Variants in RPN2 observed in about 807,000 individuals in gnomAD.
RPN2 encodes ribophorin II.
In RPN2, 29 loss-of-function variants were observed where a neutral mutation model predicts 71.4. That is an observed-to-expected ratio of 0.41 (90% CI 0.30 to 0.55). The LOEUF (loss-of-function observed/expected upper bound fraction) is 0.55, where lower values mean the gene tolerates loss of function less well. Among genes scored for constraint, RPN2 ranks in the 20% least tolerant of loss-of-function variants. The pLI, the probability that RPN2 is intolerant of heterozygous loss-of-function variation, is 0.35. For synonymous variants in RPN2, 308 were observed against 305.0 expected, an observed-to-expected ratio of 1.01 and a Z score of -0.10; for missense variants, 726 against 774.1, an observed-to-expected ratio of 0.94 and a Z score of 0.74.
At chr20:37,181,804 T>G (rs935019704) in intron 1 of RPN2, among the ~76,000 whole-genome samples, 2 of 152,226 alleles carry the variant, frequency 1.3e-5, no homozygotes, top group Non-Finnish European at 2.9e-5. Flanking sequence ...AATATGTTTA[T>G]TTCTTAGTCC....
At position 37,199,064 on chromosome 20, in the gene RPN2, T is replaced by C; in HGVS notation, c.318T>C (p.Asn106=). The change falls in exon 4 of 17, where the codon AAT becomes AAC. Residue 106 remains asparagine, a synonymous_variant. Coordinates refer to ENST00000237530, the MANE Select transcript of RPN2 (RefSeq NM_002951.5). ...ALSGCEISIS[N]ETKDLLLAAV... The stretch of plus-strand genomic sequence containing the variant: ...TTCTTTCTTAGATCTCTATTTCAAA[T>C]GAGACCAAAGATCTGCTTCTGGCAG... The C allele has an allele frequency of 6.2e-7, 1 of 1,612,786 alleles. No homozygotes were observed. Among genetic ancestry groups the C allele is most frequent in the Non-Finnish European group, 8.5e-7 (1 of 1,178,736 alleles).
chr20:37,213,927 A>C, intron 9 of RPN2, 62 bp downstream of exon 9: 1 of 1,195,548 alleles, frequency 8.4e-7, no homozygotes, highest in Non-Finnish European at 1.3e-6. Flanking sequence ...GGCCAAATTG[A>C]CACAGTATTA....
At chr20:37,206,813 A>G (rs1245625584) in intron 6 of RPN2, among the ~76,000 whole-genome samples, 2 of 151,922 alleles carry the variant, frequency 1.3e-5, no homozygotes, top group Non-Finnish European at 2.9e-5. Context: ...GGTTCAAGCA[A>G]TTCTCGTGCC....
Position 37,207,449 on chromosome 20 carries a change from G to A in RPN2, c.867G>A (p.Arg289=), listed in dbSNP as rs755866749. ...ACACTCATGAACAGGCTATCTTGCG[G>A]GTAAGACATCCATGCCCAAAGTGTG... ...ASDTHEQAIL[R]LQVTNVLSQP... is the part of the protein sequence containing the mutation. Residue 289 remains arginine (R), a splice_region_variant and synonymous_variant, in exon 7 of 17, where the codon CGG becomes CGA. Transcript: ENST00000237530. The A allele has an allele frequency of 3.7e-6, 6 of 1,614,032 alleles. No individual in the cohort carries two copies. The highest frequency in any genetic ancestry group is 2.2e-5 in the South Asian group (2 of 91,082).
intron 2 of RPN2, among the ~76,000 whole-genome samples, chr20:37,197,941 C>T (rs2067289894): frequency 6.6e-6 from 1 of 152,182 alleles, no homozygotes; most frequent in Non-Finnish European, 1.5e-5. Context: ...TTGGTGACAT[C>T]TAAGTGGAGA....
chr20:37,228,438 C>A, intron 11 of RPN2, 112 bp from the exon 12 acceptor site: 2 of 1,021,672 alleles, frequency 2.0e-6, no homozygotes, highest in Non-Finnish European at 3.0e-6. Flanking sequence ...GATCCCAGAG[C>A]TCTCACTGTG....
intron 10 of RPN2, among the ~76,000 whole-genome samples, chr20:37,224,849 C>T (rs1209859391): frequency 6.6e-6 from 1 of 152,176 alleles, no homozygotes; most frequent in Non-Finnish European, 1.5e-5. Flanking sequence ...TTTTAAATCA[C>T]ATAGAGTTGG....
rs1342296113 is a variant in RPN2 at position 37,228,689 on chromosome 20, C to T, written c.1439C>T (p.Thr480Ile). 6.2e-7 allele frequency: 1 copy of T among 1,614,108 alleles called. No individual in the cohort carries two copies. Among genetic ancestry groups the T allele is most frequent in the Non-Finnish European group, 8.5e-7 (1 of 1,180,030 alleles). ...TTTGACTCTGCCTCTGGCACCTACA[C>T]TCTCTACTTAATCATTGGAGATGCC... ...IEFDSASGTY[T>I]LYLIIGDATL... Residue 480 changes from threonine to isoleucine, a missense_variant, in exon 12 of 17, where the codon ACT becomes ATT. Transcript: ENST00000237530.
Position 37,241,412 on chromosome 20 carries a change from T to C in RPN2, c.*97T>C. On this transcript the variant is annotated 3_prime_UTR_variant, in exon 17 of 17. Coordinates refer to ENST00000237530, the MANE Select transcript of RPN2 (RefSeq NM_002951.5). ...GAAGAAAAATGGAAAAAAAAAACTT[T>C]ATTTAAAAAAGAAAAAAGTCCAGAT... The C allele has an allele frequency of 2.8e-6, 4 of 1,443,286 alleles. No homozygotes were observed. Among genetic ancestry groups the C allele is most frequent in the Middle Eastern group, 4.7e-4 (2 of 4,252 alleles). 89.4% of individuals were successfully genotyped at this position (1,443,286 alleles called of 1,614,324 possible).
intron 8 of RPN2, among the ~76,000 whole-genome samples, chr20:37,212,505 C>T (rs2067698701): frequency 6.8e-6 from 1 of 147,192 alleles, no homozygotes; most frequent in Non-Finnish European, 1.5e-5. Context: ...TTTTTTGAGA[C>T]AGTTTCGCTC....
chr20:37,186,106 C>T (rs999064616), intron 2 of RPN2, among the ~76,000 whole-genome samples: 19 of 152,184 alleles, frequency 1.2e-4, no homozygotes, highest in African/African-American at 3.9e-4. Flanking sequence ...TGAGTCCTTA[C>T]TCTTCAATTC....
intron 8 of RPN2, 145 bp downstream of exon 8, chr20:37,210,310 A>G: frequency 6.8e-7 from 1 of 1,469,656 alleles, no homozygotes; most frequent in Admixed American, 2.0e-5. Flanking sequence ...TAAGAAAATG[A>G]TTTTTAAAAT....
At chr20:37,210,443 T>G (rs542415377) in intron 8 of RPN2, among the ~76,000 whole-genome samples, 1 of 152,288 alleles carries the variant, frequency 6.6e-6, no homozygotes, top group South Asian at 2.1e-4. Context: ...ATAATAATGT[T>G]TATTATAGGA....
At chr20:37,231,806 A>G (rs1339107061) in intron 13 of RPN2, among the ~76,000 whole-genome samples, 1 of 152,082 alleles carries the variant, frequency 6.6e-6, no homozygotes, top group African/African-American at 2.4e-5. Flanking sequence ...ATGGGTGGAA[A>G]GATCTGTAGG....
chr20:37,184,803 T>C (rs2066970333), intron 2 of RPN2, among the ~76,000 whole-genome samples: 1 of 152,038 alleles, frequency 6.6e-6, no homozygotes, highest in Non-Finnish European at 1.5e-5. Flanking sequence ...AAAAAAGAAG[T>C]TTATTTCAGT....
At chr20:37,184,837 G>GT (rs1188290818) in intron 2 of RPN2, among the ~76,000 whole-genome samples, 60 of 152,038 alleles carry the variant, frequency 3.9e-4, no homozygotes, top group Non-Finnish European at 3.2e-4. Flanking sequence ...TTTTGTTTTT[G>GT]TTTTTTTGCC....
chr20:37,196,122 C>G lies in RPN2; in HGVS notation c.208-2275C>G, dbSNP rs544638679. On this transcript the variant is annotated intron_variant, in intron 2 of 16. Transcript: ENST00000237530. ...TCGTCCAGGCTGGAGTGCAGTGGCA[C>G]GATCTCGGCTCACTGCAACCTCTGC... is the stretch of plus-strand genomic sequence containing the variant. 3.3e-5 allele frequency among the ~76,000 whole-genome samples: 5 copies of G among 152,082 alleles called. No homozygotes were observed. In the East Asian group the frequency reaches 9.7e-4, roughly 30 times the overall value.
At chr20:37,197,778 T>G (rs1245658342) in intron 2 of RPN2, among the ~76,000 whole-genome samples, 1 of 151,950 alleles carries the variant, frequency 6.6e-6, no homozygotes, top group African/African-American at 2.4e-5. Context: ...TTGAATTTTT[T>G]GTGGAGATGG....
At chr20:37,222,119 A>G (rs1338534339) in intron 9 of RPN2, among the ~76,000 whole-genome samples, 1 of 152,178 alleles carries the variant, frequency 6.6e-6, no homozygotes, top group Non-Finnish European at 1.5e-5. Context: ...TTTGCAAGAA[A>G]GCTTGCTCTG....
Sources: allele counts gnomAD v4.1 joint callset (sites outside exome capture counted in the v4.1 genomes callset), GRCh38; gene constraint gnomAD v4.1.1; transcripts MANE v1.5; gene names NCBI Gene and HGNC (gene_info 2026-07-23, HGNC 2026-07-21).